NUCB1: variants seen among roughly 807,000 people sequenced by gnomAD.
NUCB1 encodes nucleobindin-1.
A neutral mutation model predicts 61.2 loss-of-function variants in NUCB1; 47 were observed. That is an observed-to-expected ratio of 0.77 (90% CI 0.61 to 0.98). The LOEUF (loss-of-function observed/expected upper bound fraction) is 0.98, where lower values mean the gene tolerates loss of function less well. Ranked by LOEUF, NUCB1 falls within the 50% of genes least tolerant of loss-of-function variation. NUCB1 has a pLI of 0.00. For missense variants in NUCB1, 583 were observed against 605.3 expected (o/e 0.96, Z 0.39); for synonymous variants, 234 against 243.1 (o/e 0.96, Z 0.35).
intron 2 of NUCB1, among the ~76,000 whole-genome samples, chr19:48,902,407 TCTTTTC>T (rs374358172): frequency 0.044 from 6,200 of 139,840 alleles, 442 homozygotes; most frequent in African/African-American, 0.16. Flanking sequence ...CCTCATTTTT[TCTTTTC>T]CTTTTTCTTT....
intron 2 of NUCB1, among the ~76,000 whole-genome samples, chr19:48,903,714 GTGGATGGATGGATGAGTGGA>G (rs2037379257): frequency 9.8e-6 from 1 of 102,138 alleles, no homozygotes; most frequent in African/African-American, 4.6e-5. Context: ...GGATGGGTGG[GTGGATGGATGGATGAGTGGA>G]TGGATGGGCG....
rs2037632811 is a variant in NUCB1 at position 48,923,353 on chromosome 19, A to G, written c.*929A>G. On this transcript the variant is annotated 3_prime_UTR_variant, in exon 13 of 13. Transcript: ENST00000405315. ...TCACCTGCCGGAGTCCTCATCTTTG[A>G]AGACTGGATTCAAGCATCACTTCTG... The G allele has an allele frequency of 6.6e-6, 1 of 152,194 alleles. No homozygotes were observed. The highest frequency in any genetic ancestry group is 1.5e-5 in the Non-Finnish European group (1 of 68,104). 9.4% of individuals were successfully genotyped at this position (152,194 alleles called of 1,614,324 possible).
In NUCB1 at chr19:48,900,916, T is replaced by C; in HGVS notation, c.120T>C (p.Pro40=). ...GGGCGCCCAACAAGGAGGAGACCCC[T>C]GCGACTGAGAGTCCCGTGAGTGGCC... ...ERGAPNKEET[P]ATESPDTGLY... is the part of the protein sequence containing the mutation. The change falls in exon 2 of 13, where the codon CCT becomes CCC. Residue 40 remains proline, a synonymous_variant. Coordinates refer to ENST00000405315, the MANE Select transcript of NUCB1 (RefSeq NM_006184.6). 3 of 1,613,906 alleles carry C rather than the reference T, an allele frequency of 1.9e-6. No individual in the cohort carries two copies.
chr19:48,905,476 C>T (rs2037400816), intron 3 of NUCB1, among the ~76,000 whole-genome samples: 1 of 152,118 alleles, frequency 6.6e-6, no homozygotes, highest in Non-Finnish European at 1.5e-5. Flanking sequence ...CCCACCTCAG[C>T]CTCCCAAAGT....
chr19:48,922,506 C>T lies in NUCB1; in HGVS notation c.*82C>T. 1 of 1,216,730 alleles carries T rather than the reference C, an allele frequency of 8.2e-7. No homozygotes were observed. The highest frequency in any genetic ancestry group is 2.4e-5 in the East Asian group (1 of 41,932). 75.4% of individuals were successfully genotyped at this position (1,216,730 alleles called of 1,614,324 possible). On this transcript the variant is annotated 3_prime_UTR_variant, in exon 13 of 13. Coordinates refer to ENST00000405315, the MANE Select transcript of NUCB1 (RefSeq NM_006184.6). Reference sequence around the variant, plus strand: ...TGGATGAAGTGGCACAGTCAGCTTCCCTGGGGGCTGGTGTCATGTTGGGCT... The same window carrying T: ...TGGATGAAGTGGCACAGTCAGCTTCTCTGGGGGCTGGTGTCATGTTGGGCT...
chr19:48,902,516 C>T (rs546589412), intron 2 of NUCB1, among the ~76,000 whole-genome samples: 11 of 151,648 alleles, frequency 7.3e-5, no homozygotes, highest in Admixed American at 5.3e-4. Flanking sequence ...AAGCGATCCT[C>T]CTGCCTCAGC....
In NUCB1 at chr19:48,908,721, G is replaced by GGTGTGTGTGTGT. The variant is rs57686025; in HGVS notation, c.377-2397_377-2386dup. Among the ~76,000 whole-genome samples, 221 of 109,364 alleles carry GGTGTGTGTGTGT rather than the reference G, an allele frequency of 2.0e-3. 9 individuals carry two copies. The highest frequency in any genetic ancestry group is 5.0e-3 in the Middle Eastern group (1 of 202). 71.7% of individuals were successfully genotyped at this position (109,364 alleles called of 152,430 possible). On this transcript the variant is annotated intron_variant, in intron 4 of 12. Transcript: ENST00000405315. ...TGTCTTTCTGCCCACTTGACCAAGG[G>GGTGTGTGTGTGT]GTGTGTGTGTGTGTGTGTGTGTGTG... is the stretch of plus-strand genomic sequence containing the variant.
At chr19:48,911,718 A>T (rs2037476179) in intron 5 of NUCB1, among the ~76,000 whole-genome samples, 1 of 151,688 alleles carries the variant, frequency 6.6e-6, no homozygotes, top group South Asian at 2.1e-4. Context: ...TCTTATAGTG[A>T]TACCCACCGT....
chr19:48,901,319 C>T lies in NUCB1; in HGVS notation c.135+388C>T, dbSNP rs370668241. On this transcript the variant is annotated intron_variant, in intron 2 of 12. Coordinates refer to ENST00000405315, the MANE Select transcript of NUCB1 (RefSeq NM_006184.6). ...CTCTTGGGAGTTGTAGTTTAAATTACAGAAGGGCGGGTGAACTGCTTGTTT... is the reference window on the plus strand; with the variant it reads ...CTCTTGGGAGTTGTAGTTTAAATTATAGAAGGGCGGGTGAACTGCTTGTTT... Among the ~76,000 whole-genome samples the T allele has an allele frequency of 2.0e-4, 31 of 152,268 alleles. 1 individual carries two copies. In the South Asian group the frequency reaches 3.3e-3, roughly 16 times the overall value.
At chr19:48,901,952 A>G (rs918885546) in intron 2 of NUCB1, among the ~76,000 whole-genome samples, 1 of 152,232 alleles carries the variant, frequency 6.6e-6, no homozygotes, top group Admixed American at 6.5e-5. Context: ...AGCACCTTCT[A>G]TGAGCCGGGC....
chr19:48,916,594 T>G (rs2037542594), intron 7 of NUCB1, among the ~76,000 whole-genome samples: 1 of 151,696 alleles, frequency 6.6e-6, no homozygotes, highest in Non-Finnish European at 1.5e-5. Context: ...CCCTCCAGCC[T>G]GGGCAACAGA....
chr19:48,915,966 T>C (rs1298086303), intron 7 of NUCB1, among the ~76,000 whole-genome samples: 1 of 152,094 alleles, frequency 6.6e-6, no homozygotes, highest in African/African-American at 2.4e-5. Context: ...TGTTTAATTG[T>C]ACAGTTCAAT....
chr19:48,918,804 C>T lies in NUCB1; in HGVS notation c.816+20C>T, dbSNP rs1400621903. ...AAGGAGGTGAGCATCTTGGAAGCCT[C>T]GGGCACCTGGAGGGACGCCCAAATC... On this transcript the variant is annotated intron_variant, in intron 8 of 12. Transcript: ENST00000405315. 3.1e-6 allele frequency: 5 copies of T among 1,611,422 alleles called. No individual in the cohort carries two copies. The highest frequency in any genetic ancestry group is 4.2e-6 in the Non-Finnish European group (5 of 1,177,840).
At chr19:48,918,473 A>C in intron 7 of NUCB1, 1 of 486,512 alleles carries the variant, frequency 2.1e-6, no homozygotes. Context: ...CCTGCATGAC[A>C]GTGACCCAAG....
At chr19:48,904,951 C>T (rs1434848227) in intron 3 of NUCB1, among the ~76,000 whole-genome samples, 10 of 149,774 alleles carry the variant, frequency 6.7e-5, no homozygotes, top group African/African-American at 2.0e-4. Context: ...ACACAGAATA[C>T]GTGTTTAGTG....
intron 7 of NUCB1, among the ~76,000 whole-genome samples, chr19:48,916,942 C>G (rs768978366): frequency 6.6e-6 from 1 of 151,730 alleles, no homozygotes; most frequent in East Asian, 2.0e-4. Context: ...TAAATAGGCC[C>G]GGCGCAGTGG....
Position 48,921,336 on chromosome 19 carries a change from G to T in NUCB1, c.1173+12G>T. On this transcript the variant is annotated intron_variant, in intron 11 of 12. Coordinates refer to ENST00000405315, the MANE Select transcript of NUCB1 (RefSeq NM_006184.6). Reference sequence around the variant, plus strand: ...GAGAGCTGCAGCAGGTGACAGCGGGGGAAGCTGCTTCCATCCACTGAATCT... The same window carrying T: ...GAGAGCTGCAGCAGGTGACAGCGGGTGAAGCTGCTTCCATCCACTGAATCT... 6.4e-7 allele frequency: 1 copy of T among 1,568,838 alleles called. No homozygotes were observed. Among genetic ancestry groups the T allele is most frequent in the African/African-American group, 1.4e-5 (1 of 73,788 alleles).
chr19:48,920,235 C>T (rs1219101370), intron 10 of NUCB1, among the ~76,000 whole-genome samples: 3 of 152,170 alleles, frequency 2.0e-5, no homozygotes, highest in Non-Finnish European at 4.4e-5. Flanking sequence ...CCTCAAACTC[C>T]TGTCCTCAAG....
At chr19:48,922,006 GGA>G in intron 12 of NUCB1, 74 bp downstream of exon 12, 1 of 1,175,730 alleles carries the variant, frequency 8.5e-7, no homozygotes, top group African/African-American at 1.6e-5. Context: ...GGCTGGGCCT[GGA>G]CTCCCAGATC....
Sources: gnomAD v4.1 joint callset for allele counts (sites outside exome capture counted in the v4.1 genomes callset) on GRCh38, gnomAD v4.1.1 for gene constraint, MANE v1.5 for transcripts, NCBI Gene and HGNC (gene_info 2026-07-23, HGNC 2026-07-21) for gene names.